Variants in DYNC1I2 observed in about 807,000 individuals in gnomAD.
The protein encoded by DYNC1I2 is dynein cytoplasmic 1 intermediate chain 2.
In DYNC1I2, 53 loss-of-function variants were observed where a neutral mutation model predicts 88.6. The ratio of observed to expected loss-of-function variants is 0.60; its 90% CI spans 0.48 to 0.75. The LOEUF is 0.75. DYNC1I2 is among the 30% of genes least tolerant of loss of function. The pLI is 0.00. For synonymous variants in DYNC1I2, 198 were observed against 254.6 expected (o/e 0.78, Z 2.12); for missense variants, 458 against 766.6 (o/e 0.60, Z 4.75).
At chr2:171,700,320 A>T (rs1686150705) in intron 3 of DYNC1I2, among the ~76,000 whole-genome samples, 3 of 152,212 alleles carry the variant, frequency 2.0e-5, no homozygotes. Context: ...TGTCCTTTTT[A>T]TGACTTAGAT....
At chr2:171,728,083 C>A (rs1688363812) in intron 12 of DYNC1I2, 116 bp downstream of exon 12, 1 of 1,266,718 alleles carries the variant, frequency 7.9e-7, no homozygotes, top group Non-Finnish European at 1.1e-6. Context: ...GTATGAATTC[C>A]TCACCATTTA....
At chr2:171,719,032 T>C (rs1687726217) in intron 7 of DYNC1I2, among the ~76,000 whole-genome samples, 1 of 152,180 alleles carries the variant, frequency 6.6e-6, no homozygotes, top group African/African-American at 2.4e-5. Flanking sequence ...GAGTAACCTA[T>C]AGTAAGTAGT....
At chr2:171,711,209 G>A (rs891562254) in intron 5 of DYNC1I2, among the ~76,000 whole-genome samples, 13 of 151,990 alleles carry the variant, frequency 8.6e-5, no homozygotes, top group Admixed American at 7.2e-4. Flanking sequence ...CATCGCGTTG[G>A]CCAGGCTGGT....
chr2:171,706,645 G>C lies in DYNC1I2; in HGVS notation c.244+81G>C, dbSNP rs142700131. On this transcript the variant is annotated intron_variant, in intron 4 of 17. Coordinates refer to ENST00000397119, the MANE Select transcript of DYNC1I2 (RefSeq NM_001378.3). Reference sequence around the variant, plus strand: ...ATGCATAATGTCTAGAAGGCATGCTGTTTTATTGCCTGTTTGCATTTTTCA... The same window carrying C: ...ATGCATAATGTCTAGAAGGCATGCTCTTTTATTGCCTGTTTGCATTTTTCA... The C allele has an allele frequency of 8.6e-4, 1,127 of 1,310,944 alleles. 9 individuals are homozygous for C. The Middle Eastern group carries it at 0.016, about 18-fold the overall frequency. The allele number at this position is 1,310,944 out of a possible 1,614,324, so 81.2% of individuals were successfully genotyped here.
At position 171,706,460 on chromosome 2, in the gene DYNC1I2, T is replaced by C. The variant is rs1027909932; in HGVS notation, c.227-87T>C. On this transcript the variant is annotated intron_variant, in intron 3 of 17. Coordinates refer to ENST00000397119, the MANE Select transcript of DYNC1I2 (RefSeq NM_001378.3). ...TCTAGGGGAAAGCACTTGCTGTTTA[T>C]TTTATATACTATGAAAAATGTGTAT... The C allele has an allele frequency of 4.1e-5, 47 of 1,158,158 alleles. No individual in the cohort carries two copies. The South Asian group carries it at 4.4e-4, about 11-fold the overall frequency. The allele number at this position is 1,158,158 out of a possible 1,614,324, so 71.7% of individuals were successfully genotyped here.
intron 3 of DYNC1I2, among the ~76,000 whole-genome samples, chr2:171,698,597 C>T (rs1395263305): frequency 5.3e-5 from 8 of 152,026 alleles, no homozygotes; most frequent in South Asian, 4.2e-4. Flanking sequence ...AGGCCAGGCA[C>T]GGTGGCTCAC....
In DYNC1I2 at chr2:171,749,428, A is replaced by T. The variant is rs1018391520; in HGVS notation, c.*1539A>T. Among the ~76,000 whole-genome samples the T allele has an allele frequency of 6.6e-6, 1 of 152,136 alleles. No homozygotes were observed. Among genetic ancestry groups the T allele is most frequent in the Non-Finnish European group, 1.5e-5 (1 of 67,976 alleles). ...AATTGCCCATTATATACCAAAGACA[A>T]TATCTCAAGTTATCTCATTGTAGCA... On this transcript the variant is annotated 3_prime_UTR_variant, in exon 18 of 18. Coordinates refer to ENST00000397119, the MANE Select transcript of DYNC1I2 (RefSeq NM_001378.3).
chr2:171,730,001 A>T, intron 15 of DYNC1I2, 148 bp downstream of exon 15: 1 of 871,986 alleles, frequency 1.1e-6, no homozygotes, highest in Non-Finnish European at 1.8e-6. Flanking sequence ...AGCATGAGTG[A>T]ACTACTAGAT....
Position 171,744,195 on chromosome 2 carries a change from C to T in DYNC1I2, c.1677+6C>T. On this transcript the variant is annotated splice_donor_region_variant and intron_variant, in intron 16 of 17. Coordinates refer to ENST00000397119, the MANE Select transcript of DYNC1I2 (RefSeq NM_001378.3). ...ATCTCAATAATGACACAGAGGTGAG[C>T]AGGAAAATAACAAAAATTGCATTGA... 1 of 1,569,170 alleles carries T rather than the reference C, an allele frequency of 6.4e-7. No homozygotes were observed. Among genetic ancestry groups the T allele is most frequent in the East Asian group, 2.3e-5 (1 of 43,942 alleles).
At chr2:171,713,888 A>G (rs1687300965) in intron 6 of DYNC1I2, among the ~76,000 whole-genome samples, 1 of 152,298 alleles carries the variant, frequency 6.6e-6, no homozygotes, top group South Asian at 2.1e-4. Flanking sequence ...TATTTTCAGT[A>G]AAAGTGGCTT....
chr2:171,740,366 G>A (rs189280302), intron 15 of DYNC1I2, among the ~76,000 whole-genome samples: 70 of 152,252 alleles, frequency 4.6e-4, no homozygotes, highest in African/African-American at 1.4e-3. Context: ...ACATGATTAT[G>A]AAGATTAGTT....
chr2:171,726,658 G>GA, intron 10 of DYNC1I2, 133 bp from the exon 11 acceptor site: 3 of 996,946 alleles, frequency 3.0e-6, no homozygotes, highest in South Asian at 4.0e-5. Flanking sequence ...CATAATGCTA[G>GA]AGATGTCTCT....
chr2:171,700,089 A>T (rs1686129119), intron 3 of DYNC1I2, among the ~76,000 whole-genome samples: 1 of 152,094 alleles, frequency 6.6e-6, no homozygotes. Context: ...TCAAGATTTC[A>T]GTTAGAGCTT....
intron 15 of DYNC1I2, among the ~76,000 whole-genome samples, 186 bp from the exon 16 acceptor site, chr2:171,743,863 C>G (rs1574643116): frequency 6.6e-6 from 1 of 152,146 alleles, no homozygotes; most frequent in Non-Finnish European, 1.5e-5. Context: ...ATAGTTGATT[C>G]TTAGTTTACA....
At chr2:171,699,556 C>T (rs1263163520) in intron 3 of DYNC1I2, among the ~76,000 whole-genome samples, 1 of 149,478 alleles carries the variant, frequency 6.7e-6, no homozygotes, top group Non-Finnish European at 1.5e-5. Context: ...CTTTTTTCTA[C>T]AGAGAGTAGA....
chr2:171,734,014 T>C (rs1243394475), intron 15 of DYNC1I2, among the ~76,000 whole-genome samples: 1 of 152,202 alleles, frequency 6.6e-6, no homozygotes, highest in Non-Finnish European at 1.5e-5. Context: ...TTTCTACATA[T>C]GGCTAGCCAG....
In DYNC1I2 at chr2:171,698,148, T is replaced by G. The variant is rs575070129; in HGVS notation, c.226+5254T>G. ...GCCTTTTATCTGATGGTGTTAATAC[T>G]CATCGATGATCCTCATCTAAGTTAT... On this transcript the variant is annotated intron_variant, in intron 3 of 17. Coordinates refer to ENST00000397119, the MANE Select transcript of DYNC1I2 (RefSeq NM_001378.3). Among the ~76,000 whole-genome samples, 15 of 152,366 alleles carry G rather than the reference T, an allele frequency of 9.8e-5. No individual in the cohort carries two copies. In the East Asian group the frequency reaches 2.7e-3, roughly 27 times the overall value.
Position 171,697,549 on chromosome 2 carries a change from C to T in DYNC1I2, c.226+4655C>T, listed in dbSNP as rs184421967. On this transcript the variant is annotated intron_variant, in intron 3 of 17. Transcript: ENST00000397119. ...TCGAACTGTGTGTGGTGGTTCACAC[C>T]TGTCATCCCATTACTTTGGGATATG... Among the ~76,000 whole-genome samples, 389 of 152,120 alleles carry T rather than the reference C, an allele frequency of 2.6e-3. 2 individuals carry two copies. The highest frequency in any genetic ancestry group is 9.1e-3 in the African/African-American group (378 of 41,482).
chr2:171,724,741 A>G (rs1169762259), intron 7 of DYNC1I2, among the ~76,000 whole-genome samples: 2 of 152,224 alleles, frequency 1.3e-5, no homozygotes, highest in African/African-American at 2.4e-5. Context: ...CAAATAACGC[A>G]TGTGTTTAGG....
Sources: allele counts gnomAD v4.1 joint callset (sites outside exome capture counted in the v4.1 genomes callset), GRCh38; gene constraint gnomAD v4.1.1; transcripts MANE v1.5; gene names NCBI Gene and HGNC (gene_info 2026-07-23, HGNC 2026-07-21).